Variants in ZNF423 observed in about 807,000 individuals in gnomAD.
The protein encoded by ZNF423 is Ebf-associated zinc finger protein.
Under a neutral mutation model 95.8 loss-of-function variants are expected in ZNF423, and 12 were observed. The ratio of observed to expected loss-of-function variants is 0.13; its 90% confidence interval spans 0.08 to 0.20. ZNF423 has a LOEUF of 0.20. Ranked by LOEUF, ZNF423 falls within the 10% of genes least tolerant of loss-of-function variation. ZNF423 has a pLI of 1.00. For synonymous variants in ZNF423, 749 were observed against 711.9 expected (o/e 1.05, Z -0.83); for missense variants, 1,316 against 1,737.1 (o/e 0.76, Z 4.31).
At chr16:49,822,582 G>T (rs995217511) in intron 1 of ZNF423, 6 of 1,149,008 alleles carry the variant, frequency 5.2e-6, no homozygotes, top group Non-Finnish European at 7.4e-6. Context: ...GACCCACATT[G>T]TCCAAGAGAA....
intron 1 of ZNF423, among the ~76,000 whole-genome samples, chr16:49,813,014 C>A (rs1194306242): frequency 6.6e-6 from 1 of 152,134 alleles, no homozygotes; most frequent in Non-Finnish European, 1.5e-5. Context: ...CCTGCCACAC[C>A]ACCAGGGGCA....
intron 2 of ZNF423, among the ~76,000 whole-genome samples, chr16:49,731,965 G>A (rs1020240358): frequency 2.6e-5 from 4 of 152,160 alleles, no homozygotes; most frequent in Non-Finnish European, 4.4e-5. Flanking sequence ...AAGTGAATTC[G>A]TAATCATAAT....
intron 2 of ZNF423, among the ~76,000 whole-genome samples, chr16:49,780,859 T>C (rs1224254766): frequency 6.6e-6 from 1 of 152,278 alleles, no homozygotes; most frequent in African/African-American, 2.4e-5. Flanking sequence ...TGGGAAATTC[T>C]ACATCTATTT....
intron 2 of ZNF423, among the ~76,000 whole-genome samples, chr16:49,765,746 A>C (rs764257471): frequency 6.6e-6 from 1 of 152,150 alleles, no homozygotes; most frequent in Non-Finnish European, 1.5e-5. Flanking sequence ...AGTCAAAGAA[A>C]AGGGAGGAAA....
intron 1 of ZNF423, among the ~76,000 whole-genome samples, chr16:49,845,052 A>C (rs1406297009): frequency 2.6e-5 from 4 of 151,162 alleles, no homozygotes; most frequent in Non-Finnish European, 5.9e-5. Flanking sequence ...AAAAAAAAAA[A>C]AAAAAAAAAA....
intron 5 of ZNF423, among the ~76,000 whole-genome samples, chr16:49,604,957 C>G (rs1181488299): frequency 6.6e-6 from 1 of 152,202 alleles, no homozygotes. Flanking sequence ...AATCACACCC[C>G]AGAGGAAAGG....
intron 2 of ZNF423, among the ~76,000 whole-genome samples, chr16:49,772,580 T>C (rs1392418799): frequency 1.3e-5 from 2 of 152,210 alleles, no homozygotes; most frequent in African/African-American, 4.8e-5. Context: ...GGTTCTAAAG[T>C]TAGTCTATGA....
chr16:49,784,655 C>G (rs1186286899), intron 2 of ZNF423, among the ~76,000 whole-genome samples: 2 of 152,128 alleles, frequency 1.3e-5, no homozygotes, highest in African/African-American at 4.8e-5. Context: ...TCTACAGAGA[C>G]AGAAAGTGGA....
upstream of ZNF423, among the ~76,000 whole-genome samples, chr16:49,857,192 G>A (rs113918901): frequency 6.6e-6 from 1 of 150,564 alleles, no homozygotes; most frequent in Non-Finnish European, 1.5e-5. The surrounding 1 kb of genome is among the most constrained non-coding windows in gnomAD (Gnocchi z 6.2). Flanking sequence ...CTCTGATCCC[G>A]TGGGGCGCCC....
chr16:49,698,300 T>C lies in ZNF423; in HGVS notation c.301+32471A>G, dbSNP rs532436244. On this transcript the variant is annotated intron_variant, in intron 3 of 7. Coordinates refer to ENST00000563137, the MANE Select transcript of ZNF423 (RefSeq NM_001379286.1). ...AGGGCATGTGCTGATTATCTGAGTG[T>C]GCAGCCTGCTCACGGGGCATCCTGG... Among the ~76,000 whole-genome samples the C allele has an allele frequency of 5.3e-5, 8 of 151,524 alleles. No individual in the cohort carries two copies. In the South Asian group the frequency reaches 1.7e-3, roughly 32 times the overall value.
intron 3 of ZNF423, among the ~76,000 whole-genome samples, chr16:49,683,073 TG>T (rs2031431656): frequency 6.6e-6 from 1 of 152,200 alleles, no homozygotes; most frequent in East Asian, 1.9e-4. Context: ...GGACCCGCCC[TG>T]GCCATCTCCC....
At chr16:49,571,612 T>C (rs531287747) in intron 5 of ZNF423, among the ~76,000 whole-genome samples, 1 of 152,128 alleles carries the variant, frequency 6.6e-6, no homozygotes, top group Non-Finnish European at 1.5e-5. Flanking sequence ...CTAAGGACAA[T>C]GGGAGCGACT....
intron 1 of ZNF423, among the ~76,000 whole-genome samples, chr16:49,840,921 A>C (rs1169403794): frequency 6.6e-6 from 1 of 152,204 alleles, no homozygotes; most frequent in Non-Finnish European, 1.5e-5. Flanking sequence ...GCCCCTTGAG[A>C]AGGGCAACTG....
chr16:49,642,390 C>T (rs1344751011), intron 3 of ZNF423, among the ~76,000 whole-genome samples: 1 of 152,206 alleles, frequency 6.6e-6, no homozygotes, highest in Non-Finnish European at 1.5e-5. Context: ...TCTTAACCTG[C>T]CCGGCACCAG....
At chr16:49,695,654 C>T (rs1440160742) in intron 3 of ZNF423, among the ~76,000 whole-genome samples, 1 of 152,176 alleles carries the variant, frequency 6.6e-6, no homozygotes, top group Non-Finnish European at 1.5e-5. Context: ...ATCCAACTCC[C>T]GACCTCAGGT....
chr16:49,797,926 T>C (rs766100826), intron 1 of ZNF423, among the ~76,000 whole-genome samples: 81 of 106,900 alleles, frequency 7.6e-4, no homozygotes, highest in Non-Finnish European at 1.4e-3. Flanking sequence ...ACCGATTTTT[T>C]AGGCCAGGCA....
intron 3 of ZNF423, among the ~76,000 whole-genome samples, chr16:49,648,228 T>C (rs1040380358): frequency 1.3e-5 from 2 of 152,232 alleles, no homozygotes; most frequent in African/African-American, 4.8e-5. Context: ...CTCACAGTTA[T>C]GTGGGAAGCA....
chr16:49,552,114 T>C (rs905790478), intron 5 of ZNF423, among the ~76,000 whole-genome samples: 3 of 152,208 alleles, frequency 2.0e-5, no homozygotes, highest in Non-Finnish European at 2.9e-5. Flanking sequence ...GGAAGGGGTG[T>C]GGGCTCTCTG....
At chr16:49,645,251 C>T (rs933234521) in intron 3 of ZNF423, among the ~76,000 whole-genome samples, 4 of 152,214 alleles carry the variant, frequency 2.6e-5, no homozygotes, top group African/African-American at 9.6e-5. Flanking sequence ...TGGCCCTTCC[C>T]TAAGCTCAGA....
Sources: gnomAD v4.1 joint callset for allele counts (sites outside exome capture counted in the v4.1 genomes callset) on GRCh38, gnomAD v4.1.1 for gene constraint, Gnocchi (gnomAD v3.1) non-coding constraint, MANE v1.5 for transcripts, NCBI Gene and HGNC (gene_info 2026-07-23, HGNC 2026-07-21) for gene names.